KIRREL3: variants seen among roughly 807,000 people sequenced by gnomAD.
KIRREL3 encodes the protein kirre like nephrin family adhesion molecule 3, also known as kin of IRRE-like protein 3.
KIRREL3 carries 36 observed loss-of-function variants against 89.7 expected under a neutral mutation model. The ratio of observed to expected loss-of-function variants is 0.40; its 90% CI spans 0.31 to 0.53. KIRREL3 has a LOEUF of 0.53. Ranked by LOEUF, KIRREL3 falls within the 20% of genes least tolerant of loss-of-function variation. The probability of loss-of-function intolerance (pLI) is 0.49; values close to 1 mark genes in which losing one functional copy is unlikely to be tolerated. For synonymous variants in KIRREL3, 445 were observed against 441.4 expected (o/e 1.01, Z -0.10); for missense variants, 864 against 1,056.6 (o/e 0.82, Z 2.53).
chr11:126,425,667 C>G lies in KIRREL3; in HGVS notation c.1864G>C (p.Glu622Gln). 6.3e-7 allele frequency: 1 copy of G among 1,594,594 alleles called. No individual in the cohort carries two copies. The highest frequency in any genetic ancestry group is 8.5e-7 in the Non-Finnish European group (1 of 1,169,694). The change falls in exon 16 of 17, where the codon GAA becomes CAA. Residue 622 changes from glutamate (E) to glutamine (Q), a missense_variant. Physicochemically the swap from Glu to Gln is conservative, Grantham distance 29 (BLOSUM62 2). Transcript: ENST00000525144. ...SVLKQLEVLK[E>Q]EEKEFQNLKD... is the part of the protein sequence containing the mutation. ...AGGTTCTGAAACTCTTTCTCCTCTT[C>G]TTTGAGGACCTCCAGCTGTTTCAGG... is the stretch of plus-strand genomic sequence containing the variant.
chr11:126,712,516 C>T (rs1216080132), intron 1 of KIRREL3, among the ~76,000 whole-genome samples: 1 of 152,174 alleles, frequency 6.6e-6, no homozygotes, highest in Non-Finnish European at 1.5e-5. Flanking sequence ...GCCCCCTTTT[C>T]CTAGGGATGT....
Position 126,544,483 on chromosome 11 carries a change from C to T in KIRREL3, c.134-17796G>A, listed in dbSNP as rs1471996900. ...GCAGAGTTGGCTGGCAGACTGCTTC[C>T]TTCCCTTGATTTATTGCAGGATGAT... On this transcript the variant is annotated intron_variant, in intron 2 of 16. Coordinates refer to ENST00000525144, the MANE Select transcript of KIRREL3 (RefSeq NM_032531.4). This position sits in a 1 kb window ranked among gnomAD's most constrained non-coding sequence, Gnocchi z 5.6. Among the ~76,000 whole-genome samples the T allele has an allele frequency of 1.3e-5, 2 of 152,120 alleles. No individual in the cohort carries two copies. The highest frequency in any genetic ancestry group is 2.9e-5 in the Non-Finnish European group (2 of 68,028).
At position 126,965,160 on chromosome 11, in the gene KIRREL3, G is replaced by A. The variant is rs948330913; in HGVS notation, c.55+35295C>T. Among the ~76,000 whole-genome samples, 6 of 152,156 alleles carry A rather than the reference G, an allele frequency of 3.9e-5. No individual in the cohort carries two copies. The highest frequency in any genetic ancestry group is 1.4e-4 in the African/African-American group (6 of 41,448). On this transcript the variant is annotated intron_variant, in intron 1 of 16. Transcript: ENST00000525144. This position sits in a 1 kb window ranked among gnomAD's most constrained non-coding sequence, Gnocchi z 4.4. ...AGATAAGTGTGAGTTAGGAGCTCTG[G>A]GGATGAGCAAAGGTCTACAGAACAG...
intron 4 of KIRREL3, among the ~76,000 whole-genome samples, chr11:126,506,293 G>A (rs1958011422): frequency 6.6e-6 from 1 of 152,074 alleles, no homozygotes; most frequent in South Asian, 2.1e-4. Flanking sequence ...TGCTTCATAA[G>A]ACACCATTAA....
In KIRREL3 at chr11:126,683,441, G is replaced by T. The variant is rs574872742; in HGVS notation, c.56-120529C>A. ...TGTCCCATCCAACTCTGAGAAATGG[G>T]TCTGGGCATCCACTGCTTTCACCGA... On this transcript the variant is annotated intron_variant, in intron 1 of 16. Coordinates refer to ENST00000525144, the MANE Select transcript of KIRREL3 (RefSeq NM_032531.4). This position sits in a 1 kb window ranked among gnomAD's most constrained non-coding sequence, Gnocchi z 5.2. Among the ~76,000 whole-genome samples, 1 of 152,282 alleles carries T rather than the reference G, an allele frequency of 6.6e-6. No homozygotes were observed. Among genetic ancestry groups the T allele is most frequent in the Admixed American group, 6.5e-5 (1 of 15,302 alleles).
At position 126,990,281 on chromosome 11, in the gene KIRREL3, C is replaced by G. The variant is rs1949994101; in HGVS notation, c.55+10174G>C. ...CCCTCTGAGCATTTGCAATTGTACC[C>G]CCTTAGCTGCTGCCACCCTTCATCC... is the stretch of plus-strand genomic sequence containing the variant. On this transcript the variant is annotated intron_variant, in intron 1 of 16. Transcript: ENST00000525144. The surrounding 1 kb of genome is among the most constrained non-coding windows in gnomAD (Gnocchi z 6.3). 1.3e-5 allele frequency among the ~76,000 whole-genome samples: 2 copies of G among 152,264 alleles called. No homozygotes were observed. The highest frequency in any genetic ancestry group is 6.5e-5 in the Admixed American group (1 of 15,296).
intron 13 of KIRREL3, among the ~76,000 whole-genome samples, chr11:126,433,104 C>A (rs1428639952): frequency 6.6e-6 from 1 of 152,196 alleles, no homozygotes; most frequent in Non-Finnish European, 1.5e-5. Flanking sequence ...GTCTCAAACT[C>A]CTGACCTCAG....
In KIRREL3 at chr11:126,729,407, A is replaced by T. The variant is rs1310417645; in HGVS notation, c.56-166495T>A. Among the ~76,000 whole-genome samples, 2 of 152,238 alleles carry T rather than the reference A, an allele frequency of 1.3e-5. No homozygotes were observed. Among genetic ancestry groups the T allele is most frequent in the African/African-American group, 4.8e-5 (2 of 41,466 alleles). On this transcript the variant is annotated intron_variant, in intron 1 of 16. Coordinates refer to ENST00000525144, the MANE Select transcript of KIRREL3 (RefSeq NM_032531.4). The surrounding 1 kb of genome is among the most constrained non-coding windows in gnomAD (Gnocchi z 4.5). The stretch of plus-strand genomic sequence containing the variant: ...GTGTCACAAGGCTCATTTTAGGGAC[A>T]TATTGCAGGAGAGACAGGAAATTGA...
chr11:126,529,173 C>T (rs1419070173), intron 2 of KIRREL3, among the ~76,000 whole-genome samples: 1 of 152,076 alleles, frequency 6.6e-6, no homozygotes, highest in East Asian at 1.9e-4. Flanking sequence ...GCGGGAGGTA[C>T]TGGGTGAGGG....
rs1224865974 is a variant in KIRREL3, at chr11:126,940,666, A to C, written c.55+59789T>G. ...TTTTACATTCTAAGGCCATGTTCTT[A>C]GTATTGAACTTGACCACACAGCTCA... is the stretch of plus-strand genomic sequence containing the variant. On this transcript the variant is annotated intron_variant, in intron 1 of 16. Coordinates refer to ENST00000525144, the MANE Select transcript of KIRREL3 (RefSeq NM_032531.4). This position sits in a 1 kb window ranked among gnomAD's most constrained non-coding sequence, Gnocchi z 4.6. 1 of 152,226 alleles carries C rather than the reference A, an allele frequency of 6.6e-6. No homozygotes were observed. The highest frequency in any genetic ancestry group is 1.5e-5 in the Non-Finnish European group (1 of 68,048). 9.4% of individuals were successfully genotyped at this position (152,226 alleles called of 1,614,324 possible).
At position 126,883,578 on chromosome 11, in the gene KIRREL3, G is replaced by C. The variant is rs1945587430; in HGVS notation, c.55+116877C>G. Among the ~76,000 whole-genome samples the C allele has an allele frequency of 6.6e-6, 1 of 152,038 alleles. No individual in the cohort carries two copies. Among genetic ancestry groups the C allele is most frequent in the Non-Finnish European group, 1.5e-5 (1 of 68,018 alleles). ...TGAAGTTTGGGTAAAGTCACTTTCT[G>C]CAGTGGAGAATGCTCCAGGAAGAAT... On this transcript the variant is annotated intron_variant, in intron 1 of 16. Coordinates refer to ENST00000525144, the MANE Select transcript of KIRREL3 (RefSeq NM_032531.4). The surrounding 1 kb of genome is among the most constrained non-coding windows in gnomAD (Gnocchi z 4.1).
chr11:126,711,104 AC>A (rs918570896), intron 1 of KIRREL3, among the ~76,000 whole-genome samples: 1 of 152,236 alleles, frequency 6.6e-6, no homozygotes, highest in African/African-American at 2.4e-5. Flanking sequence ...AATTCAGGTT[AC>A]CAACAGTGAC....
chr11:126,668,041 C>A lies in KIRREL3; in HGVS notation c.56-105129G>T, dbSNP rs555923783. On this transcript the variant is annotated intron_variant, in intron 1 of 16. Transcript: ENST00000525144. The surrounding 1 kb of genome is among the most constrained non-coding windows in gnomAD (Gnocchi z 4.4). The stretch of plus-strand genomic sequence containing the variant: ...TTCTGTGTCTGAACAATTTCAGCCC[C>A]TCATAAGGGGTTGATAGCTGAGCCC... Among the ~76,000 whole-genome samples, 11 of 152,194 alleles carry A rather than the reference C, an allele frequency of 7.2e-5. No homozygotes were observed. The highest frequency in any genetic ancestry group is 1.5e-4 in the Non-Finnish European group (10 of 68,030).
chr11:126,931,850 G>A lies in KIRREL3; in HGVS notation c.55+68605C>T, dbSNP rs994527039. On this transcript the variant is annotated intron_variant, in intron 1 of 16. Transcript: ENST00000525144. The surrounding 1 kb of genome is among the most constrained non-coding windows in gnomAD (Gnocchi z 5.1). Reference sequence around the variant, plus strand: ...CAGCACCCAGGGAGCCCCAGGACACGTGTTGCCTTCTCACCCCAATAGGAG... The same window carrying A: ...CAGCACCCAGGGAGCCCCAGGACACATGTTGCCTTCTCACCCCAATAGGAG... 2.6e-5 allele frequency among the ~76,000 whole-genome samples: 4 copies of A among 152,276 alleles called. No homozygotes were observed. The highest frequency in any genetic ancestry group is 1.9e-4 in the East Asian group (1 of 5,184).
chr11:126,481,852 G>T (rs1024242799), intron 4 of KIRREL3, among the ~76,000 whole-genome samples: 1 of 152,162 alleles, frequency 6.6e-6, no homozygotes, highest in African/African-American at 2.4e-5. Context: ...TGAATGTCTA[G>T]CATTCCTCTG....
At chr11:126,593,088 C>A (rs568946196) in intron 1 of KIRREL3, among the ~76,000 whole-genome samples, 6 of 152,132 alleles carry the variant, frequency 3.9e-5, no homozygotes, top group Non-Finnish European at 7.3e-5. Flanking sequence ...CTGAATGGGT[C>A]TCCAATAGGA....
rs1228128517 is a variant in KIRREL3, at chr11:126,443,227, T to G, written c.1252+1752A>C. 6.6e-6 allele frequency among the ~76,000 whole-genome samples: 1 copy of G among 152,086 alleles called. No individual in the cohort carries two copies. The highest frequency in any genetic ancestry group is 1.5e-5 in the Non-Finnish European group (1 of 68,014). On this transcript the variant is annotated intron_variant, in intron 10 of 16. Transcript: ENST00000525144. This position sits in a 1 kb window ranked among gnomAD's most constrained non-coding sequence, Gnocchi z 7.3. ...GTGAGGGTCCCGGGCTGGCTGGTCA[T>G]AGGGCCAGCAGAGCAGAGCCGGCTG...
chr11:126,663,636 G>A (rs1032553493), intron 1 of KIRREL3, among the ~76,000 whole-genome samples: 1 of 152,188 alleles, frequency 6.6e-6, no homozygotes, highest in South Asian at 2.1e-4. Flanking sequence ...TAATAGCTGG[G>A]GATGGCAGGT....
intron 1 of KIRREL3, among the ~76,000 whole-genome samples, chr11:126,800,161 G>T (rs60079298): frequency 0.25 from 37,663 of 152,174 alleles, 5,886 homozygotes; most frequent in African/African-American, 0.45. Context: ...GCATCACCAA[G>T]AATGTACTGG....
Sources: gnomAD v4.1 joint callset for allele counts (sites outside exome capture counted in the v4.1 genomes callset) on GRCh38, gnomAD v4.1.1 for gene constraint, Gnocchi (gnomAD v3.1) non-coding constraint, MANE v1.5 for transcripts, NCBI Gene and HGNC (gene_info 2026-07-23, HGNC 2026-07-21) for gene names.